The following VCL variants were observed in gnomAD, a reference collection of about 807,000 sequenced individuals.
The protein encoded by VCL is vinculin.
VCL carries 47 observed loss-of-function variants against 125.7 expected under a neutral mutation model. The observed-to-expected ratio is 0.37, with a 90% confidence interval of 0.30 to 0.48. The LOEUF is 0.48. Ranked by LOEUF, VCL falls within the 20% of genes least tolerant of loss-of-function variation. The pLI, the probability that VCL is intolerant of heterozygous loss-of-function variation, is 0.99. For missense variants in VCL, 1,069 were observed against 1,455.5 expected (o/e 0.73, Z 4.32); for synonymous variants, 458 against 514.6 (o/e 0.89, Z 1.49).
intron 1 of VCL, among the ~76,000 whole-genome samples, chr10:74,018,665 T>A (rs1332563973): frequency 1.2e-4 from 19 of 152,142 alleles, no homozygotes; most frequent in Admixed American, 1.2e-3. Flanking sequence ...GTGAAGGGAC[T>A]CAGACGACAT....
intron 10 of VCL, 78 bp from the exon 11 acceptor site, chr10:74,094,193 C>A: frequency 1.3e-6 from 2 of 1,565,758 alleles, no homozygotes; most frequent in Non-Finnish European, 1.7e-6. Context: ...ATCCTATTAG[C>A]ATTTGTCATT....
At position 74,083,490 on chromosome 10, in the gene VCL, TCAAGTGGCTGACCTC is replaced by T. The variant is rs1554817370; in HGVS notation, c.1001_1015del (p.Gln334_Leu338del). The T allele has an allele frequency of 1.2e-6, 2 of 1,614,060 alleles. No individual in the cohort carries two copies. Among genetic ancestry groups the T allele is most frequent in the Non-Finnish European group, 1.7e-6 (2 of 1,179,966 alleles). ...GCAAAATGCTAGGGCAGATGACTGATCAAGTGGCTGACCTCCGTGCCAGGTAAAAGTTCCTCTGTC... is the reference window on the plus strand; with the variant it reads ...GCAAAATGCTAGGGCAGATGACTGATCGTGCCAGGTAAAAGTTCCTCTGTC... On this transcript the variant is annotated inframe_deletion, in exon 8 of 22. Transcript: ENST00000211998.
chr10:74,037,862 CA>C (rs1376072889), intron 1 of VCL, among the ~76,000 whole-genome samples: 1 of 152,202 alleles, frequency 6.6e-6, no homozygotes, highest in Non-Finnish European at 1.5e-5. Flanking sequence ...TTTTAGGATA[CA>C]GTGAGGGTCT....
chr10:74,043,118 G>T lies in VCL; in HGVS notation c.204G>T (p.Gln68His). The T allele has an allele frequency of 1.9e-6, 3 of 1,613,420 alleles. No homozygotes were observed. The highest frequency in any genetic ancestry group is 2.5e-6 in the Non-Finnish European group (3 of 1,179,688). ...GKETVQTTED[Q>H]ILKRDMPPAF... ...AGACTGTTCAAACCACTGAGGATCA[G>T]ATTTTGAAGAGAGATATGCCACCAG... The change falls in exon 2 of 22, where the codon CAG (glutamine) becomes CAT (histidine). Residue 68 changes from glutamine (Q) to histidine (H), a missense_variant. Around this residue, in one of 6 missense-constraint regions of VCL, gnomAD observed 96 missense variants for 137.6 expected, o/e 0.70. Coordinates refer to ENST00000211998, the MANE Select transcript of VCL (RefSeq NM_014000.3).
At chr10:74,043,225 T>A (rs1468985512) in intron 2 of VCL, 72 bp downstream of exon 2, 2 of 1,368,552 alleles carry the variant, frequency 1.5e-6, no homozygotes, top group Non-Finnish European at 2.1e-6. Context: ...GTAGCTGATT[T>A]CAGTAACAAC....
chr10:74,082,664 C>T, intron 7 of VCL, 120 bp downstream of exon 7: 2 of 1,010,928 alleles, frequency 2.0e-6, no homozygotes, highest in African/African-American at 1.6e-5. Flanking sequence ...CATTATGGGG[C>T]ATACCCCATT....
At chr10:74,082,424 G>T in intron 6 of VCL, 30 bp from the exon 7 acceptor site, 2 of 1,612,902 alleles carry the variant, frequency 1.2e-6, no homozygotes, top group Non-Finnish European at 1.7e-6. Flanking sequence ...CTTTTGCAAA[G>T]AAAATAATGG....
At chr10:74,114,933 A>G (rs1281440192) in intron 21 of VCL, 34 bp downstream of exon 21, 14 of 1,550,334 alleles carry the variant, frequency 9.0e-6, no homozygotes, top group Non-Finnish European at 1.2e-5. Context: ...TCTGGCTGGC[A>G]GCTTCTGTGC....
Position 74,105,313 on chromosome 10 carries a change from G to A in VCL, c.2394G>A (p.Val798=). 6.2e-7 allele frequency: 1 copy of A among 1,612,732 alleles called. No homozygotes were observed. Among genetic ancestry groups the A allele is most frequent in the Non-Finnish European group, 8.5e-7 (1 of 1,179,952 alleles). ...TGAGCAAAACCATCTCCCCGATGGT[G>A]ATGGATGCAAAAGCTGTGGCTGGAA... ...DELSKTISPM[V]MDAKAVAGNI... Residue 798 remains valine, a synonymous_variant, in exon 16 of 22, where the codon GTG becomes GTA. Coordinates refer to ENST00000211998, the MANE Select transcript of VCL (RefSeq NM_014000.3).
rs566318193 is a variant in VCL at position 74,091,702 on chromosome 10, T to A, written c.1352+1504T>A. Among the ~76,000 whole-genome samples the A allele has an allele frequency of 7.8e-5, 11 of 141,186 alleles. 1 individual carries two copies. In the South Asian group the frequency reaches 2.5e-3, roughly 32 times the overall value. 92.6% of individuals were successfully genotyped at this position (141,186 alleles called of 152,430 possible). A position where few individuals can be genotyped will look rare whatever the true frequency, so the allele number is the denominator to read the frequency against. Reference sequence around the variant, plus strand: ...CTACTCAGAGGCTGAGGCAAGAGAATAGCTTGAACCCAGGAAGTGGAGGTT... The same window carrying A: ...CTACTCAGAGGCTGAGGCAAGAGAAAAGCTTGAACCCAGGAAGTGGAGGTT... On this transcript the variant is annotated intron_variant, in intron 10 of 21. Transcript: ENST00000211998.
At position 74,009,925 on chromosome 10, in the gene VCL, A is replaced by G. The variant is rs184384643; in HGVS notation, c.168+11550A>G. Among the ~76,000 whole-genome samples, 67 of 148,306 alleles carry G rather than the reference A, an allele frequency of 4.5e-4. No individual in the cohort carries two copies. The East Asian group carries it at 0.012, about 27-fold the overall frequency. On this transcript the variant is annotated intron_variant, in intron 1 of 21. Coordinates refer to ENST00000211998, the MANE Select transcript of VCL (RefSeq NM_014000.3). The stretch of plus-strand genomic sequence containing the variant: ...GGCCAGCCACCTTTTTCTTTTTTTT[A>G]TTTTTCTTTACTTTTTTGAGATGGA...
intron 1 of VCL, among the ~76,000 whole-genome samples, chr10:74,003,716 C>T (rs1000027692): frequency 2.0e-5 from 3 of 152,064 alleles, no homozygotes; most frequent in African/African-American, 7.2e-5. Flanking sequence ...AAAGACTGCT[C>T]TGCTCTTGTT....
chr10:74,019,351 A>G (rs990877851), intron 1 of VCL, among the ~76,000 whole-genome samples: 1 of 152,138 alleles, frequency 6.6e-6, no homozygotes, highest in Non-Finnish European at 1.5e-5. Flanking sequence ...CTCATCATCT[A>G]GGTTTTAAGC....
chr10:74,114,964 C>A, intron 21 of VCL, 65 bp downstream of exon 21: 1 of 1,455,788 alleles, frequency 6.9e-7, no homozygotes, highest in Non-Finnish European at 9.4e-7. Context: ...TAATTTAACT[C>A]TGCTTTGGGG....
chr10:74,083,254 C>T (rs1008129909), intron 7 of VCL, 112 bp from the exon 8 acceptor site: 3 of 1,429,364 alleles, frequency 2.1e-6, no homozygotes, highest in African/African-American at 1.4e-5. Context: ...CTTCTATTCA[C>T]TCGTCTTGTT....
intron 2 of VCL, among the ~76,000 whole-genome samples, chr10:74,061,493 T>C (rs1159822560): frequency 5.9e-5 from 9 of 152,244 alleles, no homozygotes; most frequent in Admixed American, 5.9e-4. Flanking sequence ...GAAAAACTTA[T>C]ACAGTAACTG....
chr10:74,068,237 G>GGCTA lies in VCL; in HGVS notation c.240-2432_240-2429dup, dbSNP rs1841605040. 4.6e-5 allele frequency among the ~76,000 whole-genome samples: 7 copies of GGCTA among 152,268 alleles called. 1 individual carries two copies. The South Asian group carries it at 1.5e-3, about 32-fold the overall frequency. On this transcript the variant is annotated intron_variant, in intron 2 of 21. Transcript: ENST00000211998. ...GTATTCAAGGTGATTCATCACAGCA[G>GGCTA]GCTAATAACTATTAGCCTGGGCTAT...
intron 5 of VCL, 42 bp from the exon 6 acceptor site, chr10:74,074,699 AAG>A: frequency 6.2e-7 from 1 of 1,602,552 alleles, no homozygotes. Flanking sequence ...GTTATACAAC[AAG>A]ATTAAATTCC....
At chr10:74,020,933 G>A (rs929202489) in intron 1 of VCL, among the ~76,000 whole-genome samples, 1 of 150,976 alleles carries the variant, frequency 6.6e-6, no homozygotes, top group African/African-American at 2.4e-5. Context: ...CTAAAATGGT[G>A]GCGGGATTGA....
Sources: gnomAD v4.1 joint callset for allele counts (sites outside exome capture counted in the v4.1 genomes callset) on GRCh38, gnomAD v4.1.1 for gene constraint, gnomAD v4.1.1 regional missense constraint, MANE v1.5 for transcripts, NCBI Gene and HGNC (gene_info 2026-07-23, HGNC 2026-07-21) for gene names.